Variants in MAP2 observed in about 807,000 individuals in gnomAD.
MAP2 encodes microtubule-associated protein 2.
A neutral mutation model predicts 137.6 loss-of-function variants in MAP2; 14 were observed. The observed-to-expected ratio is 0.10, with a 90% CI of 0.07 to 0.16. The LOEUF (loss-of-function observed/expected upper bound fraction) is 0.16. MAP2 is among the 10% of genes least tolerant of loss of function. The pLI, the probability that MAP2 is intolerant of heterozygous loss-of-function variation, is 1.00. For missense variants in MAP2, 2,088 were observed against 2,191.5 expected, an observed-to-expected ratio of 0.95 and a Z score of 0.94; for synonymous variants, 786 against 782.3, an observed-to-expected ratio of 1.00 and a Z score of -0.08.
intron 1 of MAP2, among the ~76,000 whole-genome samples, chr2:209,502,814 AT>A (rs1448371573): frequency 6.6e-6 from 1 of 151,820 alleles, no homozygotes; most frequent in Non-Finnish European, 1.5e-5. Context: ...TGTGGTTTTG[AT>A]TTTCATTTCT....
At chr2:209,653,823 A>G (rs1220015789) in intron 5 of MAP2, among the ~76,000 whole-genome samples, 1 of 152,228 alleles carries the variant, frequency 6.6e-6, no homozygotes, top group Non-Finnish European at 1.5e-5. Flanking sequence ...AGAAAAAAGC[A>G]AAATACGTAA....
intron 7 of MAP2, among the ~76,000 whole-genome samples, 184 bp downstream of exon 7, chr2:209,681,011 A>C (rs957202713): frequency 1.4e-4 from 22 of 152,314 alleles, no homozygotes; most frequent in Non-Finnish European, 2.9e-4. Context: ...TAAAAGCAAA[A>C]GTAGAGGAAT....
At chr2:209,703,624 AAG>A (rs551164633) in intron 11 of MAP2, among the ~76,000 whole-genome samples, 3 of 152,108 alleles carry the variant, frequency 2.0e-5, no homozygotes, top group Non-Finnish European at 4.4e-5. Context: ...AACCTGCAAA[AAG>A]AGAGTTTTGC....
At chr2:209,606,959 C>A (rs959767684) in intron 3 of MAP2, among the ~76,000 whole-genome samples, 1 of 152,022 alleles carries the variant, frequency 6.6e-6, no homozygotes. Flanking sequence ...TAATCTTCAG[C>A]AGAAATATTT....
At chr2:209,638,104 G>C (rs984049166) in intron 4 of MAP2, among the ~76,000 whole-genome samples, 2 of 151,980 alleles carry the variant, frequency 1.3e-5, no homozygotes, top group Non-Finnish European at 2.9e-5. Context: ...TCTCATAAAT[G>C]TAAATGAATT....
chr2:209,498,587 G>A lies in MAP2; in HGVS notation c.-221-9005G>A, dbSNP rs970904976. Among the ~76,000 whole-genome samples the A allele has an allele frequency of 2.0e-4, 30 of 152,244 alleles. 1 individual carries two copies. The highest frequency in any genetic ancestry group is 1.8e-3 in the Admixed American group (28 of 15,284). Reference sequence around the variant, plus strand: ...CAGCAGGCTTCTGCCTGGGCATCCAGGCTTTTCTACACATCCTTTGAAATC... The same window carrying A: ...CAGCAGGCTTCTGCCTGGGCATCCAAGCTTTTCTACACATCCTTTGAAATC... On this transcript the variant is annotated intron_variant, in intron 1 of 15. Coordinates refer to ENST00000682079, the MANE Select transcript of MAP2 (RefSeq NM_001375505.1).
At chr2:209,728,106 C>T (rs1398088519) in intron 14 of MAP2, among the ~76,000 whole-genome samples, 1 of 152,128 alleles carries the variant, frequency 6.6e-6, no homozygotes, top group Non-Finnish European at 1.5e-5. Context: ...TTCACTCCAT[C>T]CTGGGCAACA....
rs544183159 is a variant in MAP2, at chr2:209,562,713, G to A, written c.-171-17323G>A. Among the ~76,000 whole-genome samples, 7 of 151,622 alleles carry A rather than the reference G, an allele frequency of 4.6e-5. No individual in the cohort carries two copies. The East Asian group carries it at 9.7e-4, about 21-fold the overall frequency. On this transcript the variant is annotated intron_variant, in intron 2 of 15. Transcript: ENST00000682079. ...CTCTGTCAAAAAAAAAACAAAAAGCGAATGCAAACAGCATCCCAGTGAAGC... is the reference window on the plus strand; with the variant it reads ...CTCTGTCAAAAAAAAAACAAAAAGCAAATGCAAACAGCATCCCAGTGAAGC...
chr2:209,699,131 A>G (rs2061063941), intron 10 of MAP2, among the ~76,000 whole-genome samples: 1 of 152,184 alleles, frequency 6.6e-6, no homozygotes, highest in Admixed American at 6.5e-5. Context: ...CAAGCTATAC[A>G]TGTCACAAGA....
At chr2:209,685,975 T>C (rs993341317) in intron 7 of MAP2, among the ~76,000 whole-genome samples, 1 of 152,218 alleles carries the variant, frequency 6.6e-6, no homozygotes, top group African/African-American at 2.4e-5. Context: ...TATCCCATTT[T>C]CATTTATTGA....
chr2:209,472,052 A>C (rs1705873835), intron 1 of MAP2, among the ~76,000 whole-genome samples: 1 of 152,194 alleles, frequency 6.6e-6, no homozygotes, highest in Non-Finnish European at 1.5e-5. Flanking sequence ...TGAACAGCTG[A>C]CAATTACATA....
intron 1 of MAP2, among the ~76,000 whole-genome samples, chr2:209,449,435 T>C (rs1381802864): frequency 3.9e-5 from 6 of 152,168 alleles, no homozygotes; most frequent in Admixed American, 3.3e-4. Flanking sequence ...GTCCATAGTC[T>C]ATACCAATTA....
intron 5 of MAP2, among the ~76,000 whole-genome samples, chr2:209,658,798 C>T (rs573126569): frequency 5.1e-4 from 77 of 152,226 alleles, no homozygotes; most frequent in African/African-American, 1.6e-3. Flanking sequence ...TGAGCCACTG[C>T]GCCCGGCCGA....
In MAP2 at chr2:209,695,264, A is replaced by G; in HGVS notation, c.3094A>G (p.Lys1032Glu). 6.2e-7 allele frequency: 1 copy of G among 1,613,816 alleles called. No individual in the cohort carries two copies. Among genetic ancestry groups the G allele is most frequent in the African/African-American group, 1.3e-5 (1 of 75,044 alleles). Reference protein sequence around the residue: ...VPEIAEVEPSKKVEQGLDFAV... With the variant: ...VPEIAEVEPSEKVEQGLDFAV... ...AGAGATAGCTGAGGTAGAACCATCC[A>G]AAAAGGTGGAACAAGGTCTGGATTT... Residue 1032 changes from lysine (K) to glutamate (E), a missense_variant, in exon 8 of 16, where the codon AAA (lysine) becomes GAA (glutamate). Physicochemically the swap from Lys to Glu is moderately conservative, Grantham distance 56. This residue lies in a region of MAP2 where 500 missense variants were observed against 482.9 expected (regional missense o/e 1.04). Transcript: ENST00000682079.
chr2:209,441,301 A>G (rs1316060336), intron 1 of MAP2, among the ~76,000 whole-genome samples: 1 of 150,158 alleles, frequency 6.7e-6, no homozygotes, highest in Non-Finnish European at 1.5e-5. Context: ...AATGTACATA[A>G]TACCACGTTT....
intron 1 of MAP2, among the ~76,000 whole-genome samples, chr2:209,496,789 G>A (rs1401384010): frequency 6.6e-6 from 1 of 152,034 alleles, no homozygotes; most frequent in Non-Finnish European, 1.5e-5. Flanking sequence ...CCTGGCCAAT[G>A]AATCCTTAAA....
intron 1 of MAP2, among the ~76,000 whole-genome samples, chr2:209,491,175 A>G (rs1013154305): frequency 7.9e-5 from 12 of 152,164 alleles, no homozygotes; most frequent in Admixed American, 6.5e-5. Context: ...GGGAAACCAA[A>G]CAACCTGCTC....
intron 2 of MAP2, among the ~76,000 whole-genome samples, chr2:209,528,103 CCCT>C (rs2064365524): frequency 7.0e-6 from 1 of 142,256 alleles, no homozygotes; most frequent in South Asian, 2.6e-4. Context: ...CATCTTCCCC[CCCT>C]GCCCACCCCA....
intron 2 of MAP2, among the ~76,000 whole-genome samples, chr2:209,571,137 G>A (rs1020553233): frequency 6.6e-6 from 1 of 151,844 alleles, no homozygotes; most frequent in Non-Finnish European, 1.5e-5. Flanking sequence ...TGGTTACATG[G>A]TATGTGTGTA....
Sources: allele counts gnomAD v4.1 joint callset (sites outside exome capture counted in the v4.1 genomes callset), GRCh38; gene constraint gnomAD v4.1.1; regional missense constraint gnomAD v4.1.1; transcripts MANE v1.5; gene names NCBI Gene and HGNC (gene_info 2026-07-23, HGNC 2026-07-21).